Variants in HTR2C observed in about 807,000 individuals in gnomAD.
HTR2C encodes 5-hydroxytryptamine (serotonin) receptor 2C, G protein-coupled.
In HTR2C, 5 loss-of-function variants were observed where a neutral mutation model predicts 21.0. That is an observed-to-expected ratio of 0.24 (90% CI 0.12 to 0.50). The LOEUF (loss-of-function observed/expected upper bound fraction) is 0.50. HTR2C is among the 20% of genes least tolerant of loss of function. HTR2C has a pLI of 0.98. For missense variants in HTR2C, 271 were observed against 371.2 expected (o/e 0.73, Z 2.22); for synonymous variants, 150 against 145.3 (o/e 1.03, Z -0.23).
chrX:114,766,384 T>C (rs182138133), intron 4 of HTR2C, among the ~76,000 whole-genome samples: 28 of 111,663 alleles, frequency 2.5e-4, no homozygotes, highest in African/African-American at 9.1e-4. Flanking sequence ...CAAGAGATCA[T>C]AGATGAAAAA....
At chrX:114,636,536 A>C (rs1929852226) in intron 2 of HTR2C, among the ~76,000 whole-genome samples, 1 of 112,175 alleles carries the variant, frequency 8.9e-6, no homozygotes, top group African/African-American at 3.2e-5. Flanking sequence ...TTTATCCATA[A>C]TTAACTCTGG....
At chrX:114,888,254 G>A (rs1013179517) in intron 5 of HTR2C, among the ~76,000 whole-genome samples, 2 of 111,566 alleles carry the variant, frequency 1.8e-5, no homozygotes, top group Non-Finnish European at 1.9e-5. Context: ...TAGAATTTGA[G>A]TGCTAAGTGA....
At chrX:114,870,124 G>A (rs1240388678) in intron 5 of HTR2C, among the ~76,000 whole-genome samples, 1 of 102,586 alleles carries the variant, frequency 9.7e-6, no homozygotes, top group Non-Finnish European at 2.0e-5. Flanking sequence ...TTTAACTCTT[G>A]TTGCCCAGGC....
At chrX:114,648,650 C>A (rs1157497683) in intron 2 of HTR2C, among the ~76,000 whole-genome samples, 2 of 111,511 alleles carry the variant, frequency 1.8e-5, no homozygotes, top group Non-Finnish European at 3.8e-5. Context: ...ACTGCTTGAG[C>A]CCAACAGGTT....
rs2428727 is a variant in HTR2C at position 114,727,962 on chromosome X, G to T, written c.35+991G>T. Reference sequence around the variant, plus strand: ...AAAGGACAAGTGTTCCTGCTCCATGGGCCTGTGCCAACTTAGTATATAGCC... The same window carrying T: ...AAAGGACAAGTGTTCCTGCTCCATGTGCCTGTGCCAACTTAGTATATAGCC... On this transcript the variant is annotated intron_variant, in intron 3 of 5. Transcript: ENST00000276198. Among the ~76,000 whole-genome samples, 300 of 110,425 alleles carry T rather than the reference G, an allele frequency of 2.7e-3. 2 individuals carry two copies. Among genetic ancestry groups the T allele is most frequent in the Admixed American group, 4.6e-3 (47 of 10,316 alleles).
chrX:114,669,122 T>G (rs1465583721), intron 2 of HTR2C, among the ~76,000 whole-genome samples: 1 of 110,546 alleles, frequency 9.0e-6, no homozygotes, highest in Non-Finnish European at 1.9e-5. Flanking sequence ...AGAATAGGAC[T>G]AATTAGTCTT....
chrX:114,862,992 T>C (rs1165144084), intron 5 of HTR2C, among the ~76,000 whole-genome samples: 2 of 111,093 alleles, frequency 1.8e-5, no homozygotes, highest in African/African-American at 6.5e-5. Context: ...TACCTCTAGG[T>C]CTACTCATGC....
chrX:114,636,524 T>C (rs1556405269), intron 2 of HTR2C, among the ~76,000 whole-genome samples: 2 of 112,284 alleles, frequency 1.8e-5, no homozygotes, highest in East Asian at 5.6e-4. Context: ...TGTAGCTGTA[T>C]ATTTATCCAT....
At chrX:114,621,042 G>A (rs1310761259) in intron 2 of HTR2C, among the ~76,000 whole-genome samples, 3 of 111,612 alleles carry the variant, frequency 2.7e-5, no homozygotes, top group Non-Finnish European at 5.7e-5. Flanking sequence ...CACCATGCCT[G>A]GCTAATTTTT....
intron 5 of HTR2C, among the ~76,000 whole-genome samples, chrX:114,850,476 G>A (rs1031531006): frequency 9.0e-6 from 1 of 110,978 alleles, no homozygotes; most frequent in African/African-American, 3.3e-5. Context: ...TAGAGATGGC[G>A]AATTTCCAAA....
At chrX:114,696,558 C>T (rs1932281177) in intron 2 of HTR2C, among the ~76,000 whole-genome samples, 1 of 111,276 alleles carries the variant, frequency 9.0e-6, no homozygotes, top group Admixed American at 9.6e-5. Flanking sequence ...AGTCAAAAAA[C>T]TCCACAAAGA....
intron 4 of HTR2C, among the ~76,000 whole-genome samples, chrX:114,805,060 TTC>T (rs1387236836): frequency 8.9e-6 from 1 of 111,794 alleles, no homozygotes; most frequent in Non-Finnish European, 1.9e-5. Flanking sequence ...AGCCAAATAG[TTC>T]ATTTAATCTG....
At chrX:114,905,450 G>A (rs782655874) in intron 5 of HTR2C, among the ~76,000 whole-genome samples, 3 of 111,478 alleles carry the variant, frequency 2.7e-5, no homozygotes, top group South Asian at 7.5e-4. Flanking sequence ...ACCTGACTAG[G>A]CATGTTAAAG....
Position 114,730,639 on chromosome X carries a change from C to A in HTR2C, c.36-655C>A, listed in dbSNP as rs941765721. On this transcript the variant is annotated intron_variant, in intron 3 of 5. Coordinates refer to ENST00000276198, the MANE Select transcript of HTR2C (RefSeq NM_000868.4). The stretch of plus-strand genomic sequence containing the variant: ...CACTGTACCTCTTCCAGACGCTTTG[C>A]CGGAATTTGATCTGATGGCAACTTA... 4.5e-5 allele frequency among the ~76,000 whole-genome samples: 5 copies of A among 111,294 alleles called. 1 individual carries two copies. The South Asian group carries it at 1.9e-3, about 42-fold the overall frequency.
intron 2 of HTR2C, chrX:114,631,018 A>G: frequency 4.3e-6 from 1 of 229,989 alleles, no homozygotes; most frequent in Non-Finnish European, 8.8e-6. Flanking sequence ...AAGCGTGACT[A>G]TGTCTGGCCG....
intron 5 of HTR2C, among the ~76,000 whole-genome samples, chrX:114,875,203 C>T (rs968821379): frequency 1.3e-4 from 15 of 111,209 alleles, no homozygotes; most frequent in African/African-American, 4.6e-4. Context: ...GATCTGCCCT[C>T]ATGGCCTAAT....
At chrX:114,671,918 A>C (rs1360076398) in intron 2 of HTR2C, among the ~76,000 whole-genome samples, 1 of 111,835 alleles carries the variant, frequency 8.9e-6, no homozygotes, top group Admixed American at 9.6e-5. Context: ...CATGAGTCTA[A>C]TATGCACTTG....
intron 4 of HTR2C, among the ~76,000 whole-genome samples, chrX:114,790,311 G>T (rs1049966757): frequency 1.8e-5 from 2 of 111,833 alleles, no homozygotes; most frequent in Admixed American, 9.5e-5. Context: ...TGAATATTCA[G>T]TTCTATGTCC....
chrX:114,812,984 G>T (rs782570221), intron 4 of HTR2C, among the ~76,000 whole-genome samples: 1 of 110,892 alleles, frequency 9.0e-6, no homozygotes, highest in Non-Finnish European at 1.9e-5. Context: ...TTACATTTAC[G>T]ATTAATTTTT....
Sources: gnomAD v4.1 joint callset for allele counts (sites outside exome capture counted in the v4.1 genomes callset) on GRCh38, gnomAD v4.1.1 for gene constraint, MANE v1.5 for transcripts, NCBI Gene and HGNC (gene_info 2026-07-23, HGNC 2026-07-21) for gene names.